Variants in GULP1 observed in about 807,000 individuals in gnomAD.
GULP1 encodes the protein PTB domain-containing engulfment adapter protein 1.
Under a neutral mutation model 40.9 loss-of-function variants are expected in GULP1, and 19 were observed. The ratio of observed to expected loss-of-function variants is 0.46; its 90% CI spans 0.32 to 0.68. The LOEUF (loss-of-function observed/expected upper bound fraction) is 0.68. Among genes scored for constraint, GULP1 ranks in the 30% least tolerant of loss-of-function variants. GULP1 has a pLI of 0.03. For synonymous variants in GULP1, 119 were observed against 117.6 expected, an observed-to-expected ratio of 1.01 and a Z score of -0.08; for missense variants, 312 against 362.2, an observed-to-expected ratio of 0.86 and a Z score of 1.12.
intron 1 of GULP1, among the ~76,000 whole-genome samples, chr2:188,342,631 C>G (rs1439973919): frequency 1.3e-5 from 2 of 152,148 alleles, no homozygotes; most frequent in Non-Finnish European, 2.9e-5. Context: ...GAATACAATA[C>G]AAACTTGGGT....
chr2:188,589,648 A>G (rs1201151605), intron 11 of GULP1: 5 of 579,156 alleles, frequency 8.6e-6, no homozygotes, highest in Non-Finnish European at 1.2e-5. Flanking sequence ...TGATGGTGAC[A>G]CTCAATGTTA....
At chr2:188,485,136 A>C (rs1192958440) in intron 4 of GULP1, among the ~76,000 whole-genome samples, 2 of 152,110 alleles carry the variant, frequency 1.3e-5, no homozygotes, top group Non-Finnish European at 2.9e-5. Flanking sequence ...CTCCAGTTGA[A>C]ACCATTAATA....
At chr2:188,512,710 A>G (rs1180316933) in intron 4 of GULP1, among the ~76,000 whole-genome samples, 1 of 152,126 alleles carries the variant, frequency 6.6e-6, no homozygotes, top group African/African-American at 2.4e-5. Context: ...TCAAGTGAAA[A>G]AATCTTCCAT....
intron 3 of GULP1, among the ~76,000 whole-genome samples, chr2:188,482,154 A>G (rs1481536829): frequency 6.6e-6 from 1 of 151,954 alleles, no homozygotes; most frequent in Admixed American, 6.6e-5. Context: ...TATTGGAAAT[A>G]CTTGAGAATA....
At chr2:188,459,888 A>G (rs2059565893) in intron 2 of GULP1, among the ~76,000 whole-genome samples, 1 of 152,136 alleles carries the variant, frequency 6.6e-6, no homozygotes, top group South Asian at 2.1e-4. Context: ...AGCATCATTT[A>G]TTGAAGAAAC....
At chr2:188,398,611 A>C (rs929979448) in intron 2 of GULP1, among the ~76,000 whole-genome samples, 3 of 152,188 alleles carry the variant, frequency 2.0e-5, no homozygotes, top group Admixed American at 6.5e-5. Context: ...TGAAACCTAG[A>C]AAAGTGGTTT....
At chr2:188,358,778 A>C (rs1013201679) in intron 1 of GULP1, among the ~76,000 whole-genome samples, 7 of 152,164 alleles carry the variant, frequency 4.6e-5, no homozygotes, top group African/African-American at 1.7e-4. Flanking sequence ...AAATAAAAAT[A>C]AGCTTGCTTC....
intron 2 of GULP1, among the ~76,000 whole-genome samples, chr2:188,426,093 A>T (rs1482457385): frequency 1.3e-5 from 2 of 152,298 alleles, no homozygotes; most frequent in African/African-American, 4.8e-5. Context: ...GCAAATACAT[A>T]AATCAATACA....
Position 188,559,285 on chromosome 2 carries a change from A to G in GULP1, c.400-9954A>G, listed in dbSNP as rs548772607. 1.1e-3 allele frequency among the ~76,000 whole-genome samples: 169 copies of G among 152,298 alleles called. 1 individual carries two copies. Among genetic ancestry groups the G allele is most frequent in the Admixed American group, 2.8e-3 (43 of 15,308 alleles). On this transcript the variant is annotated intron_variant, in intron 7 of 11. Transcript: ENST00000409830. ...AATGGGCCAGGGTAGAGCTCAGGCT[A>G]TGGTTTCAGAGAGTGCAAGCCCCAA...
At chr2:188,569,191 A>G in intron 7 of GULP1, 48 bp from the exon 8 acceptor site, 1 of 932,826 alleles carries the variant, frequency 1.1e-6, no homozygotes. Context: ...ATTCAAAAAC[A>G]GTTTGACATA....
At chr2:188,449,234 C>G (rs1434207318) in intron 2 of GULP1, among the ~76,000 whole-genome samples, 1 of 152,114 alleles carries the variant, frequency 6.6e-6, no homozygotes, top group Non-Finnish European at 1.5e-5. Flanking sequence ...GTTTATCTTT[C>G]AAAAATATGT....
chr2:188,434,549 A>G (rs1481979566), intron 2 of GULP1, among the ~76,000 whole-genome samples: 1 of 148,728 alleles, frequency 6.7e-6, no homozygotes, highest in Non-Finnish European at 1.5e-5. Flanking sequence ...TCTGCCTTCC[A>G]TATTTGTGAC....
intron 2 of GULP1, among the ~76,000 whole-genome samples, chr2:188,401,889 C>T (rs1186765584): frequency 6.6e-6 from 1 of 152,082 alleles, no homozygotes; most frequent in Non-Finnish European, 1.5e-5. Context: ...GGTGATTAGA[C>T]ATAACATTCC....
At chr2:188,528,038 G>T (rs1467591786) in intron 5 of GULP1, among the ~76,000 whole-genome samples, 10 of 152,048 alleles carry the variant, frequency 6.6e-5, no homozygotes, top group Admixed American at 5.9e-4. Context: ...TAGAAGAGGG[G>T]CAAGAAATTC....
At chr2:188,437,233 T>A (rs2057491075) in intron 2 of GULP1, among the ~76,000 whole-genome samples, 1 of 152,062 alleles carries the variant, frequency 6.6e-6, no homozygotes, top group Non-Finnish European at 1.5e-5. Context: ...GAATGAAGAG[T>A]ATTAAAATCT....
At chr2:188,376,001 C>A (rs9288157) in intron 1 of GULP1, among the ~76,000 whole-genome samples, 1 of 151,902 alleles carries the variant, frequency 6.6e-6, no homozygotes, top group Non-Finnish European at 1.5e-5. Context: ...TCCATATCCA[C>A]GTTTTACATT....
intron 6 of GULP1, among the ~76,000 whole-genome samples, chr2:188,539,808 G>A (rs1030018199): frequency 3.3e-5 from 5 of 152,028 alleles, no homozygotes; most frequent in Admixed American, 1.3e-4. Flanking sequence ...CAGAGTAATA[G>A]AGCAAATCTC....
At chr2:188,459,268 CA>C (rs2059513260) in intron 2 of GULP1, among the ~76,000 whole-genome samples, 1 of 152,068 alleles carries the variant, frequency 6.6e-6, no homozygotes, top group Non-Finnish European at 1.5e-5. Context: ...GAGGAACTTC[CA>C]AACTGTTCTC....
intron 7 of GULP1, among the ~76,000 whole-genome samples, chr2:188,552,374 T>G (rs917364928): frequency 6.6e-6 from 1 of 151,482 alleles, no homozygotes; most frequent in Middle Eastern, 3.2e-3. Context: ...TTTCATTCTA[T>G]TCAATTCAAT....
Sources: allele counts gnomAD v4.1 joint callset (sites outside exome capture counted in the v4.1 genomes callset), GRCh38; gene constraint gnomAD v4.1.1; transcripts MANE v1.5; gene names NCBI Gene and HGNC (gene_info 2026-07-23, HGNC 2026-07-21).